The following TAPT1 variants were observed in gnomAD, a reference collection of about 807,000 sequenced individuals.
TAPT1 encodes transmembrane anterior posterior transformation 1, also known as transmembrane anterior posterior transformation protein 1 homolog.
Under a neutral mutation model 65.6 loss-of-function variants are expected in TAPT1, and 28 were observed. The ratio of observed to expected loss-of-function variants is 0.43; its 90% CI spans 0.32 to 0.59. The LOEUF is 0.59. TAPT1 is among the 20% of genes least tolerant of loss of function. The pLI is 0.09. For synonymous variants in TAPT1, 278 were observed against 245.2 expected (o/e 1.13, Z -1.25); for missense variants, 563 against 679.9 (o/e 0.83, Z 1.91).
intron 9 of TAPT1, 98 bp downstream of exon 9, chr4:16,176,021 A>C: frequency 1.8e-6 from 1 of 560,974 alleles, no homozygotes; most frequent in Non-Finnish European, 3.0e-6. Flanking sequence ...TACAATTCTG[A>C]CCTTAAAGTA....
rs529000392 is a variant in TAPT1, at chr4:16,202,551, C to T, written c.360G>A (p.Leu120=). 1.7e-5 allele frequency: 26 copies of T among 1,545,668 alleles called. No individual in the cohort carries two copies. Among genetic ancestry groups the T allele is most frequent in the Non-Finnish European group, 2.2e-5 (25 of 1,144,488 alleles). The part of the protein sequence containing the change: ...KLMVFGIFLC[L]DAFLYVFTLL... Reference sequence around the variant, plus strand: ...GGGTGAACACATACAAAAACGCATCCAGGCACAGAAAGATTCCAAAAACCA... The same window carrying T: ...GGGTGAACACATACAAAAACGCATCTAGGCACAGAAAGATTCCAAAAACCA... Residue 120 remains leucine, a synonymous_variant, in exon 3 of 14, where the codon CTG becomes CTA. Coordinates refer to ENST00000405303, the MANE Select transcript of TAPT1 (RefSeq NM_153365.3).
In TAPT1 at chr4:16,179,692, GTATA is replaced by G. The variant is rs757004193; in HGVS notation, c.917-39_917-36del. 127 of 1,106,586 alleles carry G rather than the reference GTATA, an allele frequency of 1.1e-4. 1 individual carries two copies. In the South Asian group the frequency reaches 1.5e-3, roughly 13 times the overall value. 68.5% of individuals were successfully genotyped at this position (1,106,586 alleles called of 1,614,324 possible). On this transcript the variant is annotated intron_variant, in intron 7 of 13. Transcript: ENST00000405303. Reference sequence around the variant, plus strand: ...AAAAAATCAACATAAGTACTGTAGTGTATATAAACAACATAATAAAGTACATATA... The same window carrying G: ...AAAAAATCAACATAAGTACTGTAGTGTAAACAACATAATAAAGTACATATA...
intron 8 of TAPT1, 30 bp from the exon 9 acceptor site, chr4:16,176,258 ATATCT>A: frequency 8.8e-7 from 1 of 1,137,238 alleles, no homozygotes; most frequent in Non-Finnish European, 1.3e-6. Flanking sequence ...AAACAACGAA[ATATCT>A]TAATATGAAC....
intron 3 of TAPT1, among the ~76,000 whole-genome samples, 153 bp from the exon 4 acceptor site, chr4:16,191,676 A>G (rs1383694115): frequency 6.6e-6 from 1 of 152,238 alleles, no homozygotes; most frequent in African/African-American, 2.4e-5. Flanking sequence ...GTTAAACTAA[A>G]TGACTACTCG....
intron 7 of TAPT1, among the ~76,000 whole-genome samples, chr4:16,181,145 T>A (rs1368223843): frequency 6.6e-6 from 1 of 152,236 alleles, no homozygotes; most frequent in Non-Finnish European, 1.5e-5. Flanking sequence ...TCTTTGTTAC[T>A]ACAGCTAACT....
intron 1 of TAPT1, among the ~76,000 whole-genome samples, chr4:16,220,264 T>C (rs890610150): frequency 2.6e-5 from 4 of 152,250 alleles, no homozygotes; most frequent in Non-Finnish European, 2.9e-5. Flanking sequence ...GACAGCTAAG[T>C]ACATCTTAAC....
rs776418977 is a variant in TAPT1 at position 16,174,278 on chromosome 4, C to T, written c.1168-6G>A. ...TCACTGTAATCAGTGTATGCCTGAA[C>T]AGAGAAAGAAGCAAAAGATTCAGAT... is the stretch of plus-strand genomic sequence containing the variant. On this transcript the variant is annotated splice_region_variant and splice_polypyrimidine_tract_variant and intron_variant, in intron 10 of 13. Coordinates refer to ENST00000405303, the MANE Select transcript of TAPT1 (RefSeq NM_153365.3). The T allele has an allele frequency of 6.3e-7, 1 of 1,598,934 alleles. No individual in the cohort carries two copies. The highest frequency in any genetic ancestry group is 1.1e-5 in the South Asian group (1 of 87,344).
chr4:16,220,467 A>G (rs1379657112), intron 1 of TAPT1, among the ~76,000 whole-genome samples: 3 of 152,206 alleles, frequency 2.0e-5, no homozygotes, highest in Non-Finnish European at 4.4e-5. Context: ...CTTACCAGGA[A>G]GAAATATCAT....
In TAPT1 at chr4:16,200,632, G is replaced by A. The variant is rs139758651; in HGVS notation, c.449+1830C>T. Among the ~76,000 whole-genome samples the A allele has an allele frequency of 3.1e-3, 467 of 152,212 alleles. 4 individuals are homozygous for A. Among genetic ancestry groups the A allele is most frequent in the African/African-American group, 0.011 (441 of 41,530 alleles). On this transcript the variant is annotated intron_variant, in intron 3 of 13. Coordinates refer to ENST00000405303, the MANE Select transcript of TAPT1 (RefSeq NM_153365.3). ...TGAGCCACCACATCCAGCAATATTAGTAATTTTATGTCATGTGTTTCACCT... is the reference window on the plus strand; with the variant it reads ...TGAGCCACCACATCCAGCAATATTAATAATTTTATGTCATGTGTTTCACCT...
At chr4:16,226,653 G>A (rs918238636), upstream of TAPT1, 3 of 184,822 alleles carry the variant, frequency 1.6e-5, no homozygotes, top group Non-Finnish European at 3.0e-5. Flanking sequence ...CCGCCGCCAC[G>A]GTAGCCGCCA....
intron 1 of TAPT1, among the ~76,000 whole-genome samples, chr4:16,215,095 G>T (rs1281867892): frequency 6.6e-6 from 1 of 152,056 alleles, no homozygotes; most frequent in Non-Finnish European, 1.5e-5. Context: ...TTCAAGACCA[G>T]CCTGGCCAAC....
In TAPT1 at chr4:16,193,643, T is replaced by C. The variant is rs959474896; in HGVS notation, c.450-2120A>G. ...GAATTGGATCTTGATCACTTAAACA[T>C]ATTTCTCATTCAAACACTGAGAAGA... On this transcript the variant is annotated intron_variant, in intron 3 of 13. Transcript: ENST00000405303. Among the ~76,000 whole-genome samples, 4 of 152,164 alleles carry C rather than the reference T, an allele frequency of 2.6e-5. No individual in the cohort carries two copies. The South Asian group carries it at 8.3e-4, about 32-fold the overall frequency.
In TAPT1 at chr4:16,186,908, T is replaced by C. The variant is rs889595894; in HGVS notation, c.749-30A>G. ...TAGAAGGTCAAGGAAAAAACTTAAA[T>C]TTGCTTTCATATTATTACTGATAAT... is the stretch of plus-strand genomic sequence containing the variant. On this transcript the variant is annotated intron_variant, in intron 5 of 13. Coordinates refer to ENST00000405303, the MANE Select transcript of TAPT1 (RefSeq NM_153365.3). The C allele has an allele frequency of 3.0e-6, 4 of 1,355,598 alleles. No individual in the cohort carries two copies. The African/African-American group carries it at 5.8e-5, about 20-fold the overall frequency. The allele number at this position is 1,355,598 out of a possible 1,614,324, so 84.0% of individuals were successfully genotyped here.
At chr4:16,227,327 G>T (rs780105149), upstream of TAPT1, 41 of 456,166 alleles carry the variant, frequency 9.0e-5, no homozygotes, top group Non-Finnish European at 1.6e-4. Flanking sequence ...TTTACTTGGG[G>T]CTGGACCTCC....
chr4:16,169,944 AC>A (rs1747885671), intron 12 of TAPT1, among the ~76,000 whole-genome samples: 1 of 152,074 alleles, frequency 6.6e-6, no homozygotes, highest in Non-Finnish European at 1.5e-5. Flanking sequence ...ACCCTCTCAG[AC>A]CACCCCTCCC....
chr4:16,175,006 G>A (rs554177228), intron 9 of TAPT1: 57 of 257,648 alleles, frequency 2.2e-4, no homozygotes, highest in African/African-American at 1.2e-3. Flanking sequence ...TTTAGAATTT[G>A]GGGAAAAGTG....
In TAPT1 at chr4:16,176,094, T is replaced by C. The variant is rs183086532; in HGVS notation, c.1107+25A>G. 1.0e-4 allele frequency: 120 copies of C among 1,150,644 alleles called. No homozygotes were observed. In the East Asian group the frequency reaches 2.4e-3, roughly 23 times the overall value. The allele number at this position is 1,150,644 out of a possible 1,614,324, so 71.3% of individuals were successfully genotyped here. A position where few individuals can be genotyped will look rare whatever the true frequency, so the allele number is the denominator to read the frequency against. On this transcript the variant is annotated intron_variant, in intron 9 of 13. Transcript: ENST00000405303. The stretch of plus-strand genomic sequence containing the variant: ...AAGCAACAGAAGTAAACTTTAAACA[T>C]TGAAGTGCATATCAAAATACATACA...
intron 3 of TAPT1, among the ~76,000 whole-genome samples, chr4:16,193,112 T>C (rs993868842): frequency 2.0e-5 from 3 of 152,268 alleles, no homozygotes; most frequent in African/African-American, 7.2e-5. Context: ...CAGTTAGATA[T>C]TAATTTGGCT....
chr4:16,162,474 GAAGT>G lies in TAPT1; in HGVS notation c.*830_*833del, dbSNP rs1747317532. On this transcript the variant is annotated 3_prime_UTR_variant, in exon 14 of 14. Transcript: ENST00000405303. ...AATCCTTTTAGCTGTAATAATTTATGAAGTAATTAGTTTTAAAGCAAAATCAGTT... is the reference window on the plus strand; with the variant it reads ...AATCCTTTTAGCTGTAATAATTTATGAATTAGTTTTAAAGCAAAATCAGTT... 1 of 152,772 alleles carries G rather than the reference GAAGT, an allele frequency of 6.5e-6. No homozygotes were observed. 9.5% of individuals were successfully genotyped at this position (152,772 alleles called of 1,614,324 possible).
Sources: allele counts gnomAD v4.1 joint callset (sites outside exome capture counted in the v4.1 genomes callset), GRCh38; gene constraint gnomAD v4.1.1; transcripts MANE v1.5; gene names NCBI Gene and HGNC (gene_info 2026-07-23, HGNC 2026-07-21).